Variants in MYO5B observed in about 807,000 individuals in gnomAD.
MYO5B encodes unconventional myosin-Vb.
Under a neutral mutation model 229.3 loss-of-function variants are expected in MYO5B, and 143 were observed. The observed-to-expected ratio is 0.62, with a 90% CI of 0.54 to 0.72. The LOEUF (loss-of-function observed/expected upper bound fraction) is 0.72. Among genes scored for constraint, MYO5B ranks in the 30% least tolerant of loss-of-function variants. MYO5B has a pLI of 0.00. For missense variants in MYO5B, 2,321 were observed against 2,331.0 expected (o/e 1.00, Z 0.09); for synonymous variants, 918 against 885.2 (o/e 1.04, Z -0.66).
chr18:50,006,486 A>T (rs1019534584), intron 4 of MYO5B, among the ~76,000 whole-genome samples: 1 of 152,206 alleles, frequency 6.6e-6, no homozygotes, highest in African/African-American at 2.4e-5. Context: ...GACTCAGACA[A>T]GAGTACAGGA....
At chr18:49,939,148 C>CTTTT (rs11313115) in intron 14 of MYO5B, among the ~76,000 whole-genome samples, 7 of 119,044 alleles carry the variant, frequency 5.9e-5, no homozygotes, top group Admixed American at 1.9e-4. Flanking sequence ...TCTTTTTTTT[C>CTTTT]TTTTTTTTTT....
At chr18:50,137,884 A>C (rs2032358950) in intron 1 of MYO5B, among the ~76,000 whole-genome samples, 1 of 152,240 alleles carries the variant, frequency 6.6e-6, no homozygotes, top group Admixed American at 6.5e-5. Context: ...CAGGAACAGA[A>C]AATCAAATAC....
intron 1 of MYO5B, among the ~76,000 whole-genome samples, chr18:50,071,099 C>A (rs141218314): frequency 6.6e-6 from 1 of 152,226 alleles, no homozygotes; most frequent in African/African-American, 2.4e-5. Flanking sequence ...ACTGAGATTA[C>A]AGGTGTGGGC....
At chr18:50,055,235 A>ACCCCCCCCCCC in intron 2 of MYO5B, 33 bp downstream of exon 2, 6 of 353,292 alleles carry the variant, frequency 1.7e-5, no homozygotes, top group Middle Eastern at 9.3e-4. Context: ...GCCCCACCTC[A>ACCCCCCCCCCC]CCCCCGCCCC....
intron 1 of MYO5B, among the ~76,000 whole-genome samples, chr18:50,164,119 G>T (rs961954643): frequency 5.9e-5 from 9 of 152,138 alleles, no homozygotes; most frequent in Non-Finnish European, 1.3e-4. Context: ...CTATCCTGAT[G>T]CAGGAGTCAA....
intron 1 of MYO5B, among the ~76,000 whole-genome samples, chr18:50,102,326 C>G (rs553458736): frequency 6.6e-6 from 1 of 151,756 alleles, no homozygotes; most frequent in African/African-American, 2.4e-5. Flanking sequence ...CAAACCTGTA[C>G]GTTCTGCATA....
At chr18:50,174,913 T>C (rs1345522010) in intron 1 of MYO5B, among the ~76,000 whole-genome samples, 3 of 152,194 alleles carry the variant, frequency 2.0e-5, no homozygotes, top group African/African-American at 7.2e-5. Flanking sequence ...ACATATCCCA[T>C]GCCAAGTCTC....
chr18:50,104,855 T>C (rs1363855696), intron 1 of MYO5B, among the ~76,000 whole-genome samples: 3 of 152,020 alleles, frequency 2.0e-5, no homozygotes, highest in African/African-American at 7.3e-5. Context: ...ACAAGAGATA[T>C]CCCAGACCTG....
At chr18:50,009,567 G>A (rs1315981987) in intron 4 of MYO5B, among the ~76,000 whole-genome samples, 1 of 152,184 alleles carries the variant, frequency 6.6e-6, no homozygotes, top group African/African-American at 2.4e-5. Flanking sequence ...GGGAACGAAA[G>A]GTTATGTGGG....
At chr18:49,944,657 C>A (rs2025351485) in intron 14 of MYO5B, among the ~76,000 whole-genome samples, 1 of 151,994 alleles carries the variant, frequency 6.6e-6, no homozygotes, top group Admixed American at 6.6e-5. Context: ...CCAGATGATT[C>A]CTTTAAGTCA....
chr18:49,911,428 C>A (rs1433437338), intron 18 of MYO5B, among the ~76,000 whole-genome samples: 1 of 152,118 alleles, frequency 6.6e-6, no homozygotes, highest in East Asian at 1.9e-4. Context: ...TGGCCTGATC[C>A]CTTTACCTCT....
At chr18:50,020,998 T>G (rs1326753871) in intron 4 of MYO5B, among the ~76,000 whole-genome samples, 1 of 152,218 alleles carries the variant, frequency 6.6e-6, no homozygotes, top group African/African-American at 2.4e-5. Context: ...ACCCAGCAGC[T>G]GCCCACATGG....
intron 1 of MYO5B, among the ~76,000 whole-genome samples, chr18:50,109,064 G>T (rs917019002): frequency 3.9e-5 from 6 of 152,186 alleles, no homozygotes; most frequent in Non-Finnish European, 7.3e-5. Context: ...GGCACTGAGT[G>T]ATTTTTAAAG....
intron 1 of MYO5B, among the ~76,000 whole-genome samples, chr18:50,077,670 CAAAG>C (rs1214245250): frequency 6.6e-6 from 1 of 152,128 alleles, no homozygotes; most frequent in Non-Finnish European, 1.5e-5. Context: ...TTACACCTGA[CAAAG>C]AAGCTTTATC....
intron 1 of MYO5B, among the ~76,000 whole-genome samples, chr18:50,091,645 T>G (rs1205099110): frequency 1.3e-5 from 2 of 152,176 alleles, no homozygotes; most frequent in African/African-American, 2.4e-5. Flanking sequence ...TGTTTCTGTC[T>G]TTGTAGGAGT....
At chr18:50,116,444 A>C (rs1341616170) in intron 1 of MYO5B, among the ~76,000 whole-genome samples, 1 of 152,230 alleles carries the variant, frequency 6.6e-6, no homozygotes, top group Non-Finnish European at 1.5e-5. Flanking sequence ...CAGTTCTGCC[A>C]ATAAAGAAGA....
chr18:49,979,977 G>A (rs16951350), intron 9 of MYO5B, among the ~76,000 whole-genome samples: 3,415 of 152,278 alleles, frequency 0.022, 114 homozygotes, highest in African/African-American at 0.077. Flanking sequence ...TTTCACATGT[G>A]TGTCTCACTT....
chr18:49,922,284 G>A (rs1245174391), intron 17 of MYO5B, among the ~76,000 whole-genome samples: 1 of 152,214 alleles, frequency 6.6e-6, no homozygotes, highest in African/African-American at 2.4e-5. Context: ...CCTGGATTAA[G>A]CAGTTAGGTA....
chr18:50,070,269 A>C (rs115363228), intron 1 of MYO5B, among the ~76,000 whole-genome samples: 17,662 of 151,872 alleles, frequency 0.12, 2,083 homozygotes, highest in African/African-American at 0.31. Context: ...GGTGATCCGT[A>C]CGCCTCAGCC....
Sources: gnomAD v4.1 joint callset for allele counts (sites outside exome capture counted in the v4.1 genomes callset) on GRCh38, gnomAD v4.1.1 for gene constraint, MANE v1.5 for transcripts, NCBI Gene and HGNC (gene_info 2026-07-23, HGNC 2026-07-21) for gene names.